EHMT1: variants seen among roughly 807,000 people sequenced by gnomAD.
The protein encoded by EHMT1 is histone-lysine N-methyltransferase EHMT1.
A neutral mutation model predicts 147.2 loss-of-function variants in EHMT1; 15 were observed. That is an observed-to-expected ratio of 0.10 (90% CI 0.07 to 0.16). The LOEUF (loss-of-function observed/expected upper bound fraction) is 0.16, where lower values mean the gene tolerates loss of function less well. Among genes scored for constraint, EHMT1 ranks in the 10% least tolerant of loss-of-function variants. The pLI, the probability that EHMT1 is intolerant of heterozygous loss-of-function variation, is 1.00. For synonymous variants in EHMT1, 795 were observed against 709.6 expected, an observed-to-expected ratio of 1.12 and a Z score of -1.91; for missense variants, 1,587 against 1,772.4, an observed-to-expected ratio of 0.90 and a Z score of 1.88.
intron 3 of EHMT1, among the ~76,000 whole-genome samples, chr9:137,717,666 A>C (rs576320714): frequency 7.8e-4 from 118 of 150,548 alleles, no homozygotes; most frequent in Admixed American, 2.0e-3. Context: ...GACAAAGCGG[A>C]GTGATGCCAG....
At chr9:137,696,981 C>G (rs1289240787) in intron 1 of EHMT1, among the ~76,000 whole-genome samples, 1 of 152,194 alleles carries the variant, frequency 6.6e-6, no homozygotes, top group Admixed American at 6.5e-5. Context: ...AGAGCTGGCC[C>G]TGTGAAAACA....
At chr9:137,680,559 T>C (rs1342371354) in intron 1 of EHMT1, among the ~76,000 whole-genome samples, 1 of 152,150 alleles carries the variant, frequency 6.6e-6, no homozygotes, top group Non-Finnish European at 1.5e-5. Flanking sequence ...TGAGAAAAGG[T>C]AGATTGTACT....
In EHMT1 at chr9:137,809,946, C is replaced by G. The variant is rs1269804831; in HGVS notation, c.2713-1515C>G. On this transcript the variant is annotated intron_variant, in intron 18 of 26. Coordinates refer to ENST00000460843, the MANE Select transcript of EHMT1 (RefSeq NM_024757.5). ...TCGGTGATGGGTCCGGAGGTGGTTC[C>G]GATGCCGCCCTGTGTGGACCGTCGG... Among the ~76,000 whole-genome samples the G allele has an allele frequency of 4.0e-3, 480 of 121,240 alleles. 24 individuals carry two copies. The highest frequency in any genetic ancestry group is 0.022 in the African/African-American group (418 of 18,674). 79.5% of individuals were successfully genotyped at this position (121,240 alleles called of 152,430 possible).
rs981810478 is a variant in EHMT1, at chr9:137,800,775, G to A, written c.2608-105G>A. On this transcript the variant is annotated intron_variant, in intron 17 of 26. Transcript: ENST00000460843. ...GTCCTGAGTGAGACGCCTGCACGAG[G>A]GGCATGGTACCTGGGAGGTGCAGAG... 6 of 943,090 alleles carry A rather than the reference G, an allele frequency of 6.4e-6. No homozygotes were observed. In the African/African-American group the frequency reaches 6.5e-5, roughly 10 times the overall value. 58.4% of individuals were successfully genotyped at this position (943,090 alleles called of 1,614,324 possible).
intron 1 of EHMT1, among the ~76,000 whole-genome samples, chr9:137,702,652 G>A (rs1943934850): frequency 6.6e-6 from 1 of 152,156 alleles, no homozygotes; most frequent in Non-Finnish European, 1.5e-5. Context: ...GCCGTAGATG[G>A]ATCTACCATT....
chr9:137,722,890 TC>T (rs1564641308), intron 3 of EHMT1, among the ~76,000 whole-genome samples: 131 of 144,472 alleles, frequency 9.1e-4, no homozygotes, highest in African/African-American at 1.6e-3. Context: ...CCGGGGTGTG[TC>T]TGTGTCTGTG....
At chr9:137,627,501 G>GC (rs1843340196) in intron 1 of EHMT1, among the ~76,000 whole-genome samples, 1 of 151,928 alleles carries the variant, frequency 6.6e-6, no homozygotes, top group Non-Finnish European at 1.5e-5. Flanking sequence ...CTGATCTCAG[G>GC]TGATTTGCCC....
At chr9:137,635,626 C>T (rs905059334) in intron 1 of EHMT1, among the ~76,000 whole-genome samples, 6 of 151,328 alleles carry the variant, frequency 4.0e-5, no homozygotes, top group Non-Finnish European at 8.8e-5. Context: ...CGAGACCATC[C>T]TGGCTAACAT....
intron 1 of EHMT1, among the ~76,000 whole-genome samples, chr9:137,642,428 CCTGAGTAG>C (rs1159642705): frequency 6.6e-6 from 1 of 152,156 alleles, no homozygotes; most frequent in Non-Finnish European, 1.5e-5. Flanking sequence ...ACCTCAGCCT[CCTGAGTAG>C]CTGGGACTGC....
chr9:137,692,237 C>CT (rs565840140), intron 1 of EHMT1, among the ~76,000 whole-genome samples: 41 of 149,678 alleles, frequency 2.7e-4, no homozygotes, highest in Middle Eastern at 3.4e-3. Context: ...TGGTGTTTTT[C>CT]TTTTTTTTCT....
intron 3 of EHMT1, among the ~76,000 whole-genome samples, chr9:137,723,397 C>T (rs1174718753): frequency 2.4e-5 from 3 of 125,908 alleles, no homozygotes; most frequent in Admixed American, 8.3e-5. Flanking sequence ...TGGGCCTGAG[C>T]CCGGGGTGTG....
intron 21 of EHMT1, among the ~76,000 whole-genome samples, chr9:137,814,060 CCCCCCCCCCCCG>C (rs1300397124): frequency 1.5e-4 from 7 of 45,314 alleles, no homozygotes; most frequent in South Asian, 1.7e-3. Context: ...GCCCAGGCCC[CCCCCCCCCCCCG>C]CCCCCCGCCC....
chr9:137,697,147 G>T (rs1161108719), intron 1 of EHMT1: 1 of 380,556 alleles, frequency 2.6e-6, no homozygotes, highest in Admixed American at 2.7e-5. Flanking sequence ...TGGGCATGTT[G>T]GCATGCACTT....
chr9:137,798,371 C>T, intron 16 of EHMT1, among the ~76,000 whole-genome samples: 1 of 151,872 alleles, frequency 6.6e-6, no homozygotes, highest in South Asian at 2.1e-4. Flanking sequence ...CACTGCACTC[C>T]AGCCTGGGCG....
At chr9:137,719,531 C>T (rs1195107413) in intron 3 of EHMT1, among the ~76,000 whole-genome samples, 7 of 152,178 alleles carry the variant, frequency 4.6e-5, no homozygotes, top group African/African-American at 4.8e-5. Context: ...CGGCCTGACC[C>T]GACCTCAACC....
Position 137,828,813 on chromosome 9 carries a change from T to C in EHMT1, c.3541-5536T>C, listed in dbSNP as rs921362363. On this transcript the variant is annotated intron_variant, in intron 25 of 26. Coordinates refer to ENST00000460843, the MANE Select transcript of EHMT1 (RefSeq NM_024757.5). The surrounding 1 kb of genome is among the most constrained non-coding windows in gnomAD (Gnocchi z 5.3). ...GGGGCCTCATGTCTGCAATGAGCCC[T>C]TGGTGGCTCTGAGCAGTGCCAGTTC... Among the ~76,000 whole-genome samples, 1 of 152,148 alleles carries C rather than the reference T, an allele frequency of 6.6e-6. No individual in the cohort carries two copies. The highest frequency in any genetic ancestry group is 1.5e-5 in the Non-Finnish European group (1 of 68,018).
At chr9:137,643,914 A>G (rs773295561) in intron 1 of EHMT1, among the ~76,000 whole-genome samples, 5 of 152,176 alleles carry the variant, frequency 3.3e-5, no homozygotes, top group Non-Finnish European at 7.4e-5. Context: ...CTTTGTGATG[A>G]GTACTTCATC....
chr9:137,809,404 T>G (rs1290599110), intron 18 of EHMT1, among the ~76,000 whole-genome samples: 1 of 152,180 alleles, frequency 6.6e-6, no homozygotes, highest in African/African-American at 2.4e-5. Flanking sequence ...CCCTGGGATG[T>G]GGCGGCGGCC....
rs925957292 is a variant in EHMT1 at position 137,735,561 on chromosome 9, A to AT, written c.823+7033dup. On this transcript the variant is annotated intron_variant, in intron 4 of 26. Coordinates refer to ENST00000460843, the MANE Select transcript of EHMT1 (RefSeq NM_024757.5). The stretch of plus-strand genomic sequence containing the variant: ...AAATCCTCATCAATAGTTGTTTTAA[A>AT]TGTAAACAGATGAAGATTTCCAATC... Among the ~76,000 whole-genome samples, 41 of 152,364 alleles carry AT rather than the reference A, an allele frequency of 2.7e-4. 1 individual carries two copies. The highest frequency in any genetic ancestry group is 8.7e-4 in the African/African-American group (36 of 41,592).
Sources: allele counts gnomAD v4.1 joint callset (sites outside exome capture counted in the v4.1 genomes callset), GRCh38; gene constraint gnomAD v4.1.1; non-coding constraint Gnocchi (gnomAD v3.1); transcripts MANE v1.5; gene names NCBI Gene and HGNC (gene_info 2026-07-23, HGNC 2026-07-21).